The following COL6A6 variants were observed in gnomAD, a reference collection of about 807,000 sequenced individuals.
The protein encoded by COL6A6 is collagen type VI alpha 6 chain, also known as collagen alpha-6(VI) chain.
A neutral mutation model predicts 208.6 loss-of-function variants in COL6A6; 183 were observed. That is an observed-to-expected ratio of 0.88 (90% confidence interval 0.78 to 0.99). The LOEUF (loss-of-function observed/expected upper bound fraction) is 0.99, where lower values mean the gene tolerates loss of function less well. COL6A6 is among the 50% of genes least tolerant of loss of function. The probability of loss-of-function intolerance (pLI) is 0.00; values close to 1 mark genes in which losing one functional copy is unlikely to be tolerated. For missense variants in COL6A6, 2,816 were observed against 2,815.2 expected, an observed-to-expected ratio of 1.00 and a Z score of -0.01; for synonymous variants, 973 against 1,011.8, an observed-to-expected ratio of 0.96 and a Z score of 0.73.
intron 36 of COL6A6, among the ~76,000 whole-genome samples, chr3:130,672,084 T>C (rs2066232091): frequency 6.6e-6 from 1 of 152,240 alleles, no homozygotes; most frequent in South Asian, 2.1e-4. Context: ...ATTCTGGAAA[T>C]AGAAGCAATC....
At chr3:130,581,436 CCTTT>C in intron 8 of COL6A6, 121 bp from the exon 9 acceptor site, 1 of 626,902 alleles carries the variant, frequency 1.6e-6, no homozygotes, top group Non-Finnish European at 2.7e-6. Context: ...TTCATTTATG[CCTTT>C]CTTTGTGTTC....
Position 130,676,647 on chromosome 3 carries a change from C to A in COL6A6, c.*1250C>A, listed in dbSNP as rs111606327. On this transcript the variant is annotated 3_prime_UTR_variant, in exon 37 of 37. Coordinates refer to ENST00000358511, the MANE Select transcript of COL6A6 (RefSeq NM_001102608.3). Reference sequence around the variant, plus strand: ...GACATTCAGATTTTCTTTCCTATACCTATTTTCATAAAATTTGGAAAGAAA... The same window carrying A: ...GACATTCAGATTTTCTTTCCTATACATATTTTCATAAAATTTGGAAAGAAA... 2.0e-5 allele frequency: 3 copies of A among 152,168 alleles called. No homozygotes were observed. The highest frequency in any genetic ancestry group is 4.4e-5 in the Non-Finnish European group (3 of 68,024). The allele number at this position is 152,168 out of a possible 1,614,324, so 9.4% of individuals were successfully genotyped here. A position where few individuals can be genotyped will look rare whatever the true frequency, so the allele number is the denominator to read the frequency against.
chr3:130,654,628 C>A (rs1407087795), intron 33 of COL6A6, among the ~76,000 whole-genome samples: 3 of 152,218 alleles, frequency 2.0e-5, no homozygotes, highest in Non-Finnish European at 2.9e-5. Flanking sequence ...TCCTCTGGTC[C>A]TAAGTCCAGA....
rs549396945 is a variant in COL6A6 at position 130,649,363 on chromosome 3, C to A, written c.5534C>A (p.Ala1845Glu). ...TCTGCCAGCAGGGAGATTGGCAGAG[C>A]AATGCGGTTTATTTCCAGGAATGTC... ...RSSASREIGRAMRFISRNVFK... is the reference protein window; with the variant it reads ...RSSASREIGREMRFISRNVFK... The change falls in exon 33 of 37, where the codon GCA becomes GAA. Residue 1845 changes from alanine (A) to glutamate (E), a missense_variant. Coordinates refer to ENST00000358511, the MANE Select transcript of COL6A6 (RefSeq NM_001102608.3). 1 of 1,611,604 alleles carries A rather than the reference C, an allele frequency of 6.2e-7. No individual in the cohort carries two copies. The highest frequency in any genetic ancestry group is 2.2e-5 in the East Asian group (1 of 44,824).
intron 31 of COL6A6, among the ~76,000 whole-genome samples, chr3:130,643,771 AG>A (rs1559781580): frequency 2.0e-5 from 3 of 152,230 alleles, no homozygotes; most frequent in Admixed American, 1.3e-4. Context: ...AGGAGCCAAA[AG>A]TTTCCTCCAG....
At chr3:130,615,012 G>A (rs2064475395) in intron 23 of COL6A6, among the ~76,000 whole-genome samples, 1 of 151,904 alleles carries the variant, frequency 6.6e-6, no homozygotes, top group African/African-American at 2.4e-5. Context: ...CTTCAGTTCA[G>A]CTCTGATTTT....
intron 1 of COL6A6, among the ~76,000 whole-genome samples, chr3:130,522,012 A>G (rs748196578): frequency 3.9e-5 from 6 of 152,156 alleles, no homozygotes; most frequent in Non-Finnish European, 8.8e-5. Context: ...ATTCTTGTCC[A>G]GGGTCTGCTT....
At chr3:130,628,133 C>A (rs1185547521) in intron 26 of COL6A6, among the ~76,000 whole-genome samples, 1 of 151,916 alleles carries the variant, frequency 6.6e-6, no homozygotes, top group Non-Finnish European at 1.5e-5. Flanking sequence ...ATGCAAGAGG[C>A]CATCTGGAAG....
chr3:130,566,551 T>C, intron 4 of COL6A6, 151 bp from the exon 5 acceptor site: 2 of 630,294 alleles, frequency 3.2e-6, no homozygotes, highest in Non-Finnish European at 5.4e-6. Flanking sequence ...GATTCCCCCA[T>C]TTTAAGCTAA....
At chr3:130,572,161 A>T (rs1275553395) in intron 7 of COL6A6, among the ~76,000 whole-genome samples, 1 of 152,144 alleles carries the variant, frequency 6.6e-6, no homozygotes, top group East Asian at 1.9e-4. Flanking sequence ...GCTTATTTCA[A>T]TTGTGGCAGA....
chr3:130,626,373 C>G (rs768254797), intron 24 of COL6A6, 112 bp from the exon 25 acceptor site: 14 of 790,740 alleles, frequency 1.8e-5, no homozygotes, highest in African/African-American at 1.0e-4. Context: ...ATCACTTGCA[C>G]GACACACAGT....
chr3:130,541,934 A>G (rs954650305), intron 1 of COL6A6, among the ~76,000 whole-genome samples: 2 of 152,202 alleles, frequency 1.3e-5, no homozygotes, highest in African/African-American at 4.8e-5. Flanking sequence ...TGAGTTATCA[A>G]ATCTGCAGGC....
intron 36 of COL6A6, among the ~76,000 whole-genome samples, chr3:130,666,161 A>C (rs1192421281): frequency 1.3e-5 from 2 of 152,244 alleles, no homozygotes; most frequent in African/African-American, 4.8e-5. Flanking sequence ...AATGGGAGAC[A>C]AATGAGACAA....
chr3:130,656,773 C>G (rs2065801184), intron 33 of COL6A6, among the ~76,000 whole-genome samples: 1 of 152,242 alleles, frequency 6.6e-6, no homozygotes, highest in Non-Finnish European at 1.5e-5. Context: ...CTTGGACTCC[C>G]TCTCGTGCTT....
At chr3:130,594,824 A>C (rs1214613183) in intron 18 of COL6A6, among the ~76,000 whole-genome samples, 4 of 152,226 alleles carry the variant, frequency 2.6e-5, no homozygotes. Context: ...AAGAAAGAGC[A>C]AAAGGACGTC....
At chr3:130,544,108 CA>C (rs1319905640) in intron 1 of COL6A6, among the ~76,000 whole-genome samples, 1 of 152,168 alleles carries the variant, frequency 6.6e-6, no homozygotes, top group African/African-American at 2.4e-5. Context: ...CTGACTTATT[CA>C]TCCTATATAT....
At chr3:130,610,886 G>T (rs2064337197) in intron 23 of COL6A6, among the ~76,000 whole-genome samples, 175 bp downstream of exon 23, 1 of 152,120 alleles carries the variant, frequency 6.6e-6, no homozygotes, top group African/African-American at 2.4e-5. Flanking sequence ...TTGCAGAGCA[G>T]GCTATCACTA....
Position 130,649,446 on chromosome 3 carries a change from G to T in COL6A6, c.5617G>T (p.Gly1873Cys). 2.5e-6 allele frequency: 4 copies of T among 1,612,674 alleles called. No homozygotes were observed. The highest frequency in any genetic ancestry group is 3.4e-6 in the Non-Finnish European group (4 of 1,179,428). Reference protein sequence around the residue: ...TRKIATFFSSGQSADAHSITT... With the variant: ...TRKIATFFSSCQSADAHSITT... ...AAAAATCGCCACATTTTTCAGCAGC[G>T]GTCAGTCCGCGGATGCCCACTCCAT... The change falls in exon 33 of 37, where the codon GGT becomes TGT. Residue 1873 changes from glycine (G) to cysteine (C), a missense_variant. Coordinates refer to ENST00000358511, the MANE Select transcript of COL6A6 (RefSeq NM_001102608.3).
At chr3:130,650,281 G>A (rs531850766) in intron 33 of COL6A6, among the ~76,000 whole-genome samples, 26 of 152,240 alleles carry the variant, frequency 1.7e-4, no homozygotes, top group African/African-American at 5.8e-4. Flanking sequence ...TGTGGAGACC[G>A]TGAAGGGGGG....
Sources: gnomAD v4.1 joint callset for allele counts (sites outside exome capture counted in the v4.1 genomes callset) on GRCh38, gnomAD v4.1.1 for gene constraint, MANE v1.5 for transcripts, NCBI Gene and HGNC (gene_info 2026-07-23, HGNC 2026-07-21) for gene names.